Variants in UGT1A4 observed in about 807,000 individuals in gnomAD.
The protein encoded by UGT1A4 is UDP-glucuronosyltransferase 1A4.
UGT1A4 carries 32 observed loss-of-function variants against 41.1 expected under a neutral mutation model. The ratio of observed to expected loss-of-function variants is 0.78; its 90% CI spans 0.59 to 1.05. UGT1A4 has a LOEUF of 1.05. Ranked by LOEUF, UGT1A4 falls within the 50% of genes least tolerant of loss-of-function variation. UGT1A4 has a pLI of 0.00. For missense variants in UGT1A4, 748 were observed against 677.4 expected (o/e 1.10, Z -1.16); for synonymous variants, 283 against 265.1 (o/e 1.07, Z -0.66).
intron 1 of UGT1A4, among the ~76,000 whole-genome samples, chr2:233,763,690 T>C (rs1698373555): frequency 6.6e-6 from 1 of 152,190 alleles, no homozygotes; most frequent in African/African-American, 2.4e-5. Context: ...AAGATAAAAC[T>C]TTTATTGCAC....
intron 1 of UGT1A4, among the ~76,000 whole-genome samples, chr2:233,740,527 G>T (rs1691411320): frequency 1.3e-5 from 2 of 151,834 alleles, no homozygotes; most frequent in African/African-American, 4.9e-5. Flanking sequence ...ACTAAAATCA[G>T]CTGTGTTGAA....
chr2:233,742,906 T>G (rs1484146320), intron 1 of UGT1A4: 79 of 166,834 alleles, frequency 4.7e-4, no homozygotes, highest in Non-Finnish European at 5.6e-4. Context: ...AAAAAGGTAA[T>G]GCTCAAAGTG....
At chr2:233,753,441 T>A (rs1695206490) in intron 1 of UGT1A4, 2 of 152,230 alleles carry the variant, frequency 1.3e-5, no homozygotes, top group African/African-American at 4.8e-5. Flanking sequence ...GTTAATGATG[T>A]GTTCAGGCCA....
intron 1 of UGT1A4, chr2:233,760,643 ACT>A: frequency 6.2e-7 from 1 of 1,614,148 alleles, no homozygotes; most frequent in Non-Finnish European, 8.5e-7. Context: ...ATAAAAAAGG[ACT>A]CTGCTATGCT....
At chr2:233,759,612 A>T (rs992811783) in intron 1 of UGT1A4, among the ~76,000 whole-genome samples, 1 of 32,712 alleles carries the variant, frequency 3.1e-5, no homozygotes, top group African/African-American at 8.8e-5. Flanking sequence ...CGCCCCACCC[A>T]CCCACCTGTT....
chr2:233,747,003 G>A (rs1452133223), intron 1 of UGT1A4, among the ~76,000 whole-genome samples: 4 of 151,906 alleles, frequency 2.6e-5, no homozygotes, highest in African/African-American at 4.9e-5. Flanking sequence ...AGTTTTTCAA[G>A]TAGGAGTGAT....
chr2:233,770,228 A>T (rs1355142630), intron 4 of UGT1A4: 1 of 152,236 alleles, frequency 6.6e-6, no homozygotes, highest in Non-Finnish European at 1.5e-5. Context: ...TCTGATTGTG[A>T]ATCTCCATGA....
chr2:233,750,746 T>G (rs1207151817), intron 1 of UGT1A4: 2 of 151,906 alleles, frequency 1.3e-5, no homozygotes, highest in Admixed American at 1.3e-4. Context: ...ACCTCAAGCC[T>G]TGGCAGCATC....
At chr2:233,747,470 G>C in intron 1 of UGT1A4, 4 of 1,608,766 alleles carry the variant, frequency 2.5e-6, no homozygotes, top group Non-Finnish European at 3.4e-6. Context: ...CATGGACCCA[G>C]GATGAATTTG....
chr2:233,747,102 A>G, intron 1 of UGT1A4: 2 of 1,361,188 alleles, frequency 1.5e-6, no homozygotes, highest in African/African-American at 2.9e-5. Context: ...CTATCTTCCA[A>G]TTACATGATG....
rs1240637968 is a variant in UGT1A4 at position 233,729,257 on chromosome 2, T to A, written c.867+9570T>A. 6.2e-7 allele frequency: 1 copy of A among 1,613,994 alleles called. No homozygotes were observed. Among genetic ancestry groups the A allele is most frequent in the Non-Finnish European group, 8.5e-7 (1 of 1,179,936 alleles). On this transcript the variant is annotated intron_variant, in intron 1 of 4. Transcript: ENST00000373409. ...ATTGATGGCAGCCACTGGCTCAGCA[T>A]GCGGGAGGTCTTGCGGGAGCTCCAT...
chr2:233,761,996 A>C (rs1212945255), intron 1 of UGT1A4, among the ~76,000 whole-genome samples: 1 of 151,970 alleles, frequency 6.6e-6, no homozygotes, highest in African/African-American at 2.4e-5. Context: ...CCTTATTTCC[A>C]CTATACCTCC....
At chr2:233,770,880 T>C (rs1452182002) in intron 4 of UGT1A4, 6 of 152,248 alleles carry the variant, frequency 3.9e-5, no homozygotes, top group African/African-American at 1.2e-4. Context: ...AGAGGTTTCA[T>C]TGGCTCGTGT....
At chr2:233,747,862 C>T in intron 1 of UGT1A4, 1 of 1,613,544 alleles carries the variant, frequency 6.2e-7, no homozygotes, top group Non-Finnish European at 8.5e-7. Context: ...ATGCTCTACC[C>T]TCTGGCCCTG....
rs780660931 is a variant in UGT1A4, at chr2:233,767,955, A to C, written c.1087+19A>C. 173 of 1,614,006 alleles carry C rather than the reference A, an allele frequency of 1.1e-4. 2 individuals carry two copies. In the South Asian group the frequency reaches 1.6e-3, roughly 15 times the overall value. ...CTGCTTGGTATGTTGGGCGGATTGG[A>C]TGTATAGGTCAAACCAGGGTCAAAT... On this transcript the variant is annotated intron_variant, in intron 3 of 4. Coordinates refer to ENST00000373409, the MANE Select transcript of UGT1A4 (RefSeq NM_007120.3).
chr2:233,755,038 C>A (rs751084795), intron 1 of UGT1A4: 1 of 1,320,112 alleles, frequency 7.6e-7, no homozygotes, highest in South Asian at 1.1e-5. Flanking sequence ...CTGCCGCCTG[C>A]GCAGCCGCCC....
rs1269795663 is a variant in UGT1A4, at chr2:233,719,272, C to T, written c.452C>T (p.Thr151Ile). The part of the protein sequence containing the change: ...LNATSFDVVL[T>I]DPVNLCGAVL... ...GCTACTTCCTTTGATGTGGTTTTAA[C>T]AGACCCCGTTAACCTCTGTGGGGCG... The change falls in exon 1 of 5, where the codon ACA (threonine) becomes ATA (isoleucine). Residue 151 changes from threonine (T) to isoleucine (I), a missense_variant. Transcript: ENST00000373409. 6.2e-7 allele frequency: 1 copy of T among 1,614,132 alleles called. No individual in the cohort carries two copies. Among genetic ancestry groups the T allele is most frequent in the Admixed American group, 1.7e-5 (1 of 60,028 alleles).
At chr2:233,754,978 CG>C (rs1333953486) in intron 1 of UGT1A4, 1 of 1,298,378 alleles carries the variant, frequency 7.7e-7, no homozygotes, top group Non-Finnish European at 1.0e-6. Context: ...CTGAAGACCT[CG>C]GCGGGGTCAC....
intron 1 of UGT1A4, among the ~76,000 whole-genome samples, chr2:233,753,993 T>C (rs970764565): frequency 1.4e-4 from 22 of 152,184 alleles, no homozygotes; most frequent in Admixed American, 1.4e-3. Context: ...GCCACCAAGT[T>C]TGGGTAATTT....
Sources: gnomAD v4.1 joint callset for allele counts (sites outside exome capture counted in the v4.1 genomes callset) on GRCh38, gnomAD v4.1.1 for gene constraint, MANE v1.5 for transcripts, NCBI Gene and HGNC (gene_info 2026-07-23, HGNC 2026-07-21) for gene names.